TASP1: variants seen among roughly 807,000 people sequenced by gnomAD.
TASP1 encodes threonine aspartase 1.
TASP1 carries 16 observed loss-of-function variants against 56.6 expected under a neutral mutation model. The ratio of observed to expected loss-of-function variants is 0.28; its 90% CI spans 0.19 to 0.43. The LOEUF is 0.43. Among genes scored for constraint, TASP1 ranks in the 20% least tolerant of loss-of-function variants. The pLI is 1.00. For synonymous variants in TASP1, 179 were observed against 184.2 expected (o/e 0.97, Z 0.23); for missense variants, 393 against 511.6 (o/e 0.77, Z 2.24).
At chr20:13,499,699 G>A (rs532190851) in intron 10 of TASP1, among the ~76,000 whole-genome samples, 21 of 152,148 alleles carry the variant, frequency 1.4e-4, no homozygotes, top group Non-Finnish European at 2.6e-4. Flanking sequence ...ACCAACCACC[G>A]AAGCACCTTT....
chr20:13,557,917 C>T (rs2046219508), intron 8 of TASP1, among the ~76,000 whole-genome samples: 1 of 151,884 alleles, frequency 6.6e-6, no homozygotes, highest in Admixed American at 6.6e-5. Context: ...ATTCATTCAC[C>T]CACACATCAC....
the TASP1 span, among the ~76,000 whole-genome samples, chr20:13,366,744 ACT>A: frequency 2.6e-5 from 4 of 152,094 alleles, no homozygotes; most frequent in Non-Finnish European, 4.4e-5. Flanking sequence ...TAATAGATAC[ACT>A]CTCTCCGACA....
At chr20:13,436,734 G>C (rs2043018963) in intron 11 of TASP1, among the ~76,000 whole-genome samples, 1 of 152,026 alleles carries the variant, frequency 6.6e-6, no homozygotes, top group Admixed American at 6.6e-5. Context: ...GAAGAGACTG[G>C]ATAATCCCTT....
intron 8 of TASP1, among the ~76,000 whole-genome samples, chr20:13,557,573 T>G (rs13040751): frequency 0.041 from 4,373 of 105,996 alleles, 119 homozygotes; most frequent in Middle Eastern, 0.059. Context: ...ATGTTTTTGG[T>G]TTTTTTTTTT....
At chr20:13,133,538 A>G in the TASP1 span, among the ~76,000 whole-genome samples, 1 of 152,318 alleles carries the variant, frequency 6.6e-6, no homozygotes, top group African/African-American at 2.4e-5. Flanking sequence ...GTTCGAGACC[A>G]ACCTGGCCAA....
the TASP1 span, among the ~76,000 whole-genome samples, chr20:13,171,145 T>A: frequency 6.6e-6 from 1 of 152,212 alleles, no homozygotes; most frequent in Non-Finnish European, 1.5e-5. Flanking sequence ...ATACATGATT[T>A]CCCCTTAATG....
chr20:13,167,936 C>A, the TASP1 span: 28 of 152,138 alleles, frequency 1.8e-4, no homozygotes, highest in African/African-American at 6.8e-4. Context: ...TGTTCTGATT[C>A]TCTTGTTCAT....
the TASP1 span, among the ~76,000 whole-genome samples, chr20:13,247,711 T>C: frequency 7.0e-4 from 107 of 152,230 alleles, no homozygotes; most frequent in African/African-American, 2.5e-3. Context: ...GTGAGAAGTA[T>C]TGAAAGCTTC....
At chr20:13,170,425 G>A in the TASP1 span, among the ~76,000 whole-genome samples, 1 of 152,100 alleles carries the variant, frequency 6.6e-6, no homozygotes, top group Non-Finnish European at 1.5e-5. Flanking sequence ...TGCCAATCTG[G>A]GTTTAATGTA....
chr20:13,139,297 A>G, the TASP1 span, among the ~76,000 whole-genome samples: 2 of 152,234 alleles, frequency 1.3e-5, no homozygotes, highest in Admixed American at 6.5e-5. Context: ...AAAATTTTCC[A>G]TAGTATCCTT....
the TASP1 span, among the ~76,000 whole-genome samples, chr20:13,286,021 C>T: frequency 6.6e-6 from 1 of 152,200 alleles, no homozygotes; most frequent in African/African-American, 2.4e-5. Flanking sequence ...GTACCCACCC[C>T]ACAGGTGATG....
At chr20:13,149,155 T>A in the TASP1 span, among the ~76,000 whole-genome samples, 1 of 152,216 alleles carries the variant, frequency 6.6e-6, no homozygotes, top group African/African-American at 2.4e-5. Context: ...ACATAAGAGA[T>A]TATTTCATTC....
intron 11 of TASP1, among the ~76,000 whole-genome samples, chr20:13,468,868 T>TG (rs1263383363): frequency 2.0e-5 from 3 of 151,060 alleles, no homozygotes; most frequent in Non-Finnish European, 4.4e-5. Context: ...TGTGTGTGTT[T>TG]TTTTTTTTTG....
intron 12 of TASP1, among the ~76,000 whole-genome samples, chr20:13,419,016 G>A (rs773873844): frequency 1.3e-4 from 20 of 152,210 alleles, no homozygotes; most frequent in Non-Finnish European, 2.5e-4. Flanking sequence ...CCTGGACTTG[G>A]TGGTGGGGAG....
At chr20:13,307,950 G>A in the TASP1 span, among the ~76,000 whole-genome samples, 1 of 152,202 alleles carries the variant, frequency 6.6e-6, no homozygotes, top group Non-Finnish European at 1.5e-5. Context: ...AGTGGAATTA[G>A]AAGGTCATAG....
chr20:13,401,154 T>C (rs1281023098), intron 13 of TASP1, among the ~76,000 whole-genome samples: 2 of 152,212 alleles, frequency 1.3e-5, no homozygotes, highest in African/African-American at 4.8e-5. Context: ...TCTGCTCTTA[T>C]AGGAGAAAAC....
chr20:13,448,548 C>T (rs924828309), intron 11 of TASP1, among the ~76,000 whole-genome samples: 2 of 152,056 alleles, frequency 1.3e-5, no homozygotes, highest in African/African-American at 2.4e-5. Flanking sequence ...AAGACAGAGT[C>T]AATTATAGCC....
chr20:13,364,211 T>G, the TASP1 span, among the ~76,000 whole-genome samples: 2 of 152,230 alleles, frequency 1.3e-5, no homozygotes, highest in Non-Finnish European at 2.9e-5. Flanking sequence ...ATGTCCTGCT[T>G]TTGGAGTTCT....
chr20:13,617,456 T>C (rs1264583906), intron 4 of TASP1, among the ~76,000 whole-genome samples: 5 of 152,080 alleles, frequency 3.3e-5, no homozygotes, highest in African/African-American at 9.7e-5. Context: ...TCAAGGGTGG[T>C]AGGTCTAAAA....
Sources: gnomAD v4.1 joint callset for allele counts (sites outside exome capture counted in the v4.1 genomes callset) on GRCh38, gnomAD v4.1.1 for gene constraint, MANE v1.5 for transcripts, NCBI Gene and HGNC (gene_info 2026-07-23, HGNC 2026-07-21) for gene names.